Variants in FSTL5 observed in about 807,000 individuals in gnomAD.
FSTL5 encodes the protein follistatin-related protein 5.
Under a neutral mutation model 89.1 loss-of-function variants are expected in FSTL5, and 62 were observed. The observed-to-expected ratio is 0.70, with a 90% CI of 0.57 to 0.86. FSTL5 has a LOEUF of 0.86. Among genes scored for constraint, FSTL5 ranks in the 40% least tolerant of loss-of-function variants. The pLI, the probability that FSTL5 is intolerant of heterozygous loss-of-function variation, is 0.00. For synonymous variants in FSTL5, 383 were observed against 346.2 expected (o/e 1.11, Z -1.18); for missense variants, 1,057 against 1,001.6 (o/e 1.06, Z -0.75).
intron 15 of FSTL5, among the ~76,000 whole-genome samples, chr4:161,406,892 C>A (rs534804952): frequency 1.3e-5 from 2 of 152,184 alleles, no homozygotes; most frequent in Non-Finnish European, 2.9e-5. Context: ...TGCCCACACC[C>A]GCCTTTTTTA....
At chr4:161,420,478 T>C (rs1275581896) in intron 15 of FSTL5, among the ~76,000 whole-genome samples, 1 of 152,170 alleles carries the variant, frequency 6.6e-6, no homozygotes, top group Admixed American at 6.5e-5. Flanking sequence ...TCCTCTCTTA[T>C]TTCCTTACCA....
intron 3 of FSTL5, among the ~76,000 whole-genome samples, chr4:161,939,740 G>A (rs1230243695): frequency 1.3e-5 from 2 of 151,958 alleles, no homozygotes; most frequent in African/African-American, 4.8e-5. Context: ...GCACTAACAT[G>A]AGGATAACAG....
intron 7 of FSTL5, among the ~76,000 whole-genome samples, chr4:161,593,848 A>C (rs1437312223): frequency 3.3e-5 from 5 of 152,106 alleles, no homozygotes; most frequent in African/African-American, 1.2e-4. Context: ...CTACTGATAC[A>C]AACTCCATAA....
intron 4 of FSTL5, among the ~76,000 whole-genome samples, chr4:161,807,313 G>A (rs1730000778): frequency 6.6e-6 from 1 of 151,884 alleles, no homozygotes; most frequent in African/African-American, 2.4e-5. Context: ...CAATCCTTCT[G>A]CCTCAACCTC....
rs186943215 is a variant in FSTL5, at chr4:161,921,759, C to A, written c.161-1107G>T. On this transcript the variant is annotated intron_variant, in intron 3 of 15. Coordinates refer to ENST00000306100, the MANE Select transcript of FSTL5 (RefSeq NM_020116.5). ...AAATCCCTAGTTGCAAGCTTTAGGG[C>A]CCTAGGTGACTACCTAACACATCTG... Among the ~76,000 whole-genome samples, 289 of 152,044 alleles carry A rather than the reference C, an allele frequency of 1.9e-3. 1 individual carries two copies. The highest frequency in any genetic ancestry group is 3.4e-3 in the Non-Finnish European group (230 of 67,930).
At chr4:161,625,854 G>C (rs1031618588) in intron 7 of FSTL5, among the ~76,000 whole-genome samples, 4 of 152,112 alleles carry the variant, frequency 2.6e-5, no homozygotes, top group African/African-American at 9.7e-5. Context: ...GTTTATTGAT[G>C]ATATAGAGAA....
intron 15 of FSTL5, among the ~76,000 whole-genome samples, chr4:161,409,982 A>G (rs1288622763): frequency 3.3e-5 from 5 of 152,210 alleles, no homozygotes; most frequent in Non-Finnish European, 7.3e-5. Context: ...GCTCTCCTCA[A>G]GAGACCGATT....
chr4:161,506,261 C>T (rs1374778323), intron 11 of FSTL5, among the ~76,000 whole-genome samples: 2 of 151,148 alleles, frequency 1.3e-5, no homozygotes, highest in African/African-American at 4.9e-5. Context: ...TTTGTAGAGA[C>T]AGGTTTTTGC....
intron 13 of FSTL5, among the ~76,000 whole-genome samples, chr4:161,460,683 A>G (rs1733532310): frequency 6.6e-6 from 1 of 152,174 alleles, no homozygotes; most frequent in African/African-American, 2.4e-5. Flanking sequence ...TAACATTCTC[A>G]GTATTCTTGG....
At chr4:161,678,348 A>T (rs1270511197) in intron 6 of FSTL5, among the ~76,000 whole-genome samples, 2 of 151,762 alleles carry the variant, frequency 1.3e-5, no homozygotes, top group Admixed American at 6.6e-5. Context: ...TAGTGTCAAA[A>T]TTTTTTTGAC....
intron 8 of FSTL5, among the ~76,000 whole-genome samples, chr4:161,564,205 T>C (rs1286517108): frequency 6.6e-6 from 1 of 151,402 alleles, no homozygotes; most frequent in Non-Finnish European, 1.5e-5. Flanking sequence ...AAATTATAAA[T>C]TATGCATGTG....
chr4:161,404,345 G>GA (rs1731284265), intron 15 of FSTL5, among the ~76,000 whole-genome samples: 1 of 152,136 alleles, frequency 6.6e-6, no homozygotes, highest in African/African-American at 2.4e-5. Flanking sequence ...TGAAAGCTTT[G>GA]AGAATTCTTA....
At chr4:161,885,157 C>A (rs1732767036) in intron 4 of FSTL5, among the ~76,000 whole-genome samples, 1 of 151,978 alleles carries the variant, frequency 6.6e-6, no homozygotes, top group African/African-American at 2.4e-5. Context: ...CAAAATAACT[C>A]TTTTGTGTAT....
In FSTL5 at chr4:161,532,659, C is replaced by A. The variant is rs1227127146; in HGVS notation, c.1312+5507G>T. Among the ~76,000 whole-genome samples, 9 of 152,042 alleles carry A rather than the reference C, an allele frequency of 5.9e-5. No individual in the cohort carries two copies. The East Asian group carries it at 1.7e-3, about 29-fold the overall frequency. ...TAACAGTGGGGGGACTTCAACACTCCACTGACAACATTAGAAATATCTTTG... is the reference window on the plus strand; with the variant it reads ...TAACAGTGGGGGGACTTCAACACTCAACTGACAACATTAGAAATATCTTTG... On this transcript the variant is annotated intron_variant, in intron 10 of 15. Transcript: ENST00000306100.
intron 4 of FSTL5, among the ~76,000 whole-genome samples, chr4:161,878,251 T>A (rs1402753586): frequency 6.6e-6 from 1 of 152,178 alleles, no homozygotes; most frequent in Admixed American, 6.5e-5. Flanking sequence ...TTATTTGTAC[T>A]TCCGTAACCA....
intron 10 of FSTL5, among the ~76,000 whole-genome samples, chr4:161,523,896 A>G (rs932419310): frequency 6.6e-6 from 1 of 152,200 alleles, no homozygotes; most frequent in Non-Finnish European, 1.5e-5. Context: ...TATGTAAAAA[A>G]TAATTTTTAC....
intron 3 of FSTL5, among the ~76,000 whole-genome samples, chr4:161,990,293 C>A (rs902827905): frequency 1.5e-4 from 23 of 152,040 alleles, no homozygotes; most frequent in Admixed American, 4.6e-4. Flanking sequence ...TAGACTCTAA[C>A]AAAATGCCTT....
chr4:161,624,836 A>C (rs1735260105), intron 7 of FSTL5, among the ~76,000 whole-genome samples: 1 of 152,170 alleles, frequency 6.6e-6, no homozygotes, highest in Non-Finnish European at 1.5e-5. Flanking sequence ...TGTTTTGTAG[A>C]TACTGCTGAA....
At chr4:161,998,846 A>C (rs1736377683) in intron 3 of FSTL5, among the ~76,000 whole-genome samples, 8 of 120,258 alleles carry the variant, frequency 6.7e-5, no homozygotes, top group African/African-American at 2.6e-4. Context: ...GAAGCAGTTA[A>C]ACACACACAC....
Sources: gnomAD v4.1 joint callset for allele counts (sites outside exome capture counted in the v4.1 genomes callset) on GRCh38, gnomAD v4.1.1 for gene constraint, MANE v1.5 for transcripts, NCBI Gene and HGNC (gene_info 2026-07-23, HGNC 2026-07-21) for gene names.